Variants in CAMK2A observed in about 807,000 individuals in gnomAD.
The protein encoded by CAMK2A is calcium/calmodulin-dependent protein kinase type II subunit alpha.
A neutral mutation model predicts 79.2 loss-of-function variants in CAMK2A; 7 were observed. The ratio of observed to expected loss-of-function variants is 0.09; its 90% CI spans 0.05 to 0.17. The LOEUF is 0.17. Ranked by LOEUF, CAMK2A falls within the 10% of genes least tolerant of loss-of-function variation. The pLI, the probability that CAMK2A is intolerant of heterozygous loss-of-function variation, is 1.00. For synonymous variants in CAMK2A, 242 were observed against 251.7 expected, an observed-to-expected ratio of 0.96 and a Z score of 0.36; for missense variants, 214 against 646.4, an observed-to-expected ratio of 0.33 and a Z score of 7.25.
chr5:150,234,785 G>A (rs1227368569), intron 15 of CAMK2A, among the ~76,000 whole-genome samples: 1 of 152,192 alleles, frequency 6.6e-6, no homozygotes, highest in Non-Finnish European at 1.5e-5. Flanking sequence ...CTTGTGGCCT[G>A]CCCGGAAGCT....
intron 1 of CAMK2A, among the ~76,000 whole-genome samples, chr5:150,276,135 C>A (rs1393375780): frequency 6.6e-6 from 1 of 152,180 alleles, no homozygotes; most frequent in Non-Finnish European, 1.5e-5. Flanking sequence ...GCTGTTAGTA[C>A]CCCCATCACT....
At chr5:150,286,559 C>T (rs374155606) in intron 1 of CAMK2A, among the ~76,000 whole-genome samples, 2 of 152,338 alleles carry the variant, frequency 1.3e-5, no homozygotes, top group East Asian at 3.9e-4. Flanking sequence ...TCCCATGTGC[C>T]CTTTTAGGGC....
intron 3 of CAMK2A, 68 bp downstream of exon 3, chr5:150,264,888 C>T (rs569598678): frequency 6.4e-6 from 8 of 1,255,954 alleles, no homozygotes; most frequent in Non-Finnish European, 9.4e-6. Flanking sequence ...CGCAAACACC[C>T]ACGTGCCAGG....
chr5:150,227,429 C>T (rs1056213146), intron 17 of CAMK2A, among the ~76,000 whole-genome samples: 56 of 152,280 alleles, frequency 3.7e-4, no homozygotes, highest in African/African-American at 1.3e-3. Context: ...CTCAGTGGTA[C>T]ACGCCCTTGA....
chr5:150,245,194 C>T lies in CAMK2A; in HGVS notation c.951G>A (p.Lys317=), dbSNP rs1438022978. The change falls in exon 13 of 19, where the codon AAG becomes AAA. Residue 317 remains lysine, a synonymous_variant. Transcript: ENST00000671881. ...CATCGCTCTTCTTGTTTCCCCCACT[C>T]TTCCCTCCTGTGGAGGAGAAAAAGT... The part of the protein sequence containing the change: ...MLATRNFSGG[K]SGGNKKSDGV... 3.1e-6 allele frequency: 5 copies of T among 1,613,958 alleles called. No individual in the cohort carries two copies. The highest frequency in any genetic ancestry group is 4.2e-6 in the Non-Finnish European group (5 of 1,179,968).
intron 16 of CAMK2A, among the ~76,000 whole-genome samples, chr5:150,229,927 T>TG (rs1754767980): frequency 6.6e-6 from 1 of 152,196 alleles, no homozygotes. Flanking sequence ...GTTCCACACA[T>TG]GCATCTTCTA....
intron 1 of CAMK2A, among the ~76,000 whole-genome samples, chr5:150,288,289 A>G (rs548398965): frequency 7.9e-5 from 12 of 152,242 alleles, no homozygotes; most frequent in African/African-American, 2.9e-4. Flanking sequence ...AACCTGCCAT[A>G]CATGTGCACA....
intron 15 of CAMK2A, among the ~76,000 whole-genome samples, chr5:150,235,543 T>G (rs1446241469): frequency 5.3e-5 from 8 of 152,196 alleles, no homozygotes; most frequent in Non-Finnish European, 1.2e-4. Flanking sequence ...TTTCCCAGAA[T>G]GTCTCTGCCC....
intron 13 of CAMK2A, among the ~76,000 whole-genome samples, chr5:150,244,827 C>T (rs766393193): frequency 1.3e-5 from 2 of 152,162 alleles, no homozygotes; most frequent in Non-Finnish European, 2.9e-5. Flanking sequence ...TCTCCTTGCA[C>T]CCTCTCTTGC....
At position 150,256,881 on chromosome 5, in the gene CAMK2A, C is replaced by T. The variant is rs1238842506; in HGVS notation, c.273-50G>A. 1 of 1,511,334 alleles carries T rather than the reference C, an allele frequency of 6.6e-7. No individual in the cohort carries two copies. The highest frequency in any genetic ancestry group is 9.1e-7 in the Non-Finnish European group (1 of 1,097,320). 93.6% of individuals were successfully genotyped at this position (1,511,334 alleles called of 1,614,324 possible). On this transcript the variant is annotated intron_variant, in intron 4 of 18. Transcript: ENST00000671881. The surrounding 1 kb of genome is among the most constrained non-coding windows in gnomAD (Gnocchi z 4.6). Reference sequence around the variant, plus strand: ...CCTCTAATAGAGGCGACAGGTGCTGCCTCATCTGGAGGAGTCTCCAGGAAA... The same window carrying T: ...CCTCTAATAGAGGCGACAGGTGCTGTCTCATCTGGAGGAGTCTCCAGGAAA...
intron 3 of CAMK2A, among the ~76,000 whole-genome samples, chr5:150,258,752 C>A (rs904307345): frequency 9.9e-5 from 15 of 152,130 alleles, no homozygotes; most frequent in African/African-American, 3.4e-4. Flanking sequence ...AATATTGAGT[C>A]CCCTGAATTG....
At chr5:150,233,120 G>A (rs1371810382) in intron 15 of CAMK2A, among the ~76,000 whole-genome samples, 2 of 152,216 alleles carry the variant, frequency 1.3e-5, no homozygotes, top group East Asian at 1.9e-4. Context: ...CCTGGAGCCT[G>A]GAACAGGCTT....
At chr5:150,258,475 G>A (rs1756157480) in intron 3 of CAMK2A, among the ~76,000 whole-genome samples, 1 of 152,272 alleles carries the variant, frequency 6.6e-6, no homozygotes, top group Admixed American at 6.5e-5. Context: ...TAATGCGGCA[G>A]TTATGTATCT....
At chr5:150,266,526 G>A (rs1756520563) in intron 2 of CAMK2A, among the ~76,000 whole-genome samples, 1 of 152,114 alleles carries the variant, frequency 6.6e-6, no homozygotes. Context: ...TGCCTTTCAA[G>A]CCCTCACTAC....
At position 150,229,565 on chromosome 5, in the gene CAMK2A, A is replaced by AG. The variant is rs533426140; in HGVS notation, c.1143-1280dup. Among the ~76,000 whole-genome samples the AG allele has an allele frequency of 3.0e-3, 460 of 152,328 alleles. 3 individuals carry two copies. Among genetic ancestry groups the AG allele is most frequent in the African/African-American group, 0.01 (430 of 41,568 alleles). On this transcript the variant is annotated intron_variant, in intron 16 of 18. Coordinates refer to ENST00000671881, the MANE Select transcript of CAMK2A (RefSeq NM_015981.4). ...ATCCTGGACCCCAGAGGTCATGACAAGGGGTCAGAACCTAGAGCAGGCTGC... is the reference window on the plus strand; with the variant it reads ...ATCCTGGACCCCAGAGGTCATGACAAGGGGGTCAGAACCTAGAGCAGGCTGC...
At chr5:150,249,913 G>A (rs775339748) in intron 11 of CAMK2A, among the ~76,000 whole-genome samples, 2 of 152,030 alleles carry the variant, frequency 1.3e-5, no homozygotes, top group Non-Finnish European at 2.9e-5. Flanking sequence ...CAGCTTAAAC[G>A]CCCCTGGCTC....
At chr5:150,228,144 T>C in intron 17 of CAMK2A, 48 bp downstream of exon 17, 7 of 1,494,924 alleles carry the variant, frequency 4.7e-6, no homozygotes, top group Non-Finnish European at 6.5e-6. Context: ...CAGCAGGACA[T>C]GGAACGAGAG....
chr5:150,276,731 C>T (rs1388825323), intron 1 of CAMK2A, among the ~76,000 whole-genome samples: 2 of 152,154 alleles, frequency 1.3e-5, no homozygotes, highest in Non-Finnish European at 2.9e-5. Context: ...TCCTGCTCAC[C>T]AGCACCTGAC....
At chr5:150,242,994 G>A (rs1755417272) in intron 13 of CAMK2A, among the ~76,000 whole-genome samples, 1 of 152,218 alleles carries the variant, frequency 6.6e-6, no homozygotes, top group Non-Finnish European at 1.5e-5. Flanking sequence ...AGTCTGTCCT[G>A]CGCCACAGGA....
Sources: allele counts gnomAD v4.1 joint callset (sites outside exome capture counted in the v4.1 genomes callset), GRCh38; gene constraint gnomAD v4.1.1; non-coding constraint Gnocchi (gnomAD v3.1); transcripts MANE v1.5; gene names NCBI Gene and HGNC (gene_info 2026-07-23, HGNC 2026-07-21).